HSP90AA1: variants seen among roughly 807,000 people sequenced by gnomAD.
The protein encoded by HSP90AA1 is heat shock protein 90 alpha family class A member 1.
Under a neutral mutation model 73.3 loss-of-function variants are expected in HSP90AA1, and 18 were observed. The observed-to-expected ratio is 0.25, with a 90% CI of 0.17 to 0.36. HSP90AA1 has a LOEUF of 0.36. Ranked by LOEUF, HSP90AA1 falls within the 10% of genes least tolerant of loss-of-function variation. The pLI, the probability that HSP90AA1 is intolerant of heterozygous loss-of-function variation, is 1.00. For missense variants in HSP90AA1, 704 were observed against 874.2 expected (o/e 0.81, Z 2.45); for synonymous variants, 477 against 296.9 (o/e 1.61, Z -6.24).
chr14:102,110,803 G>A (rs879374244), intron 1 of HSP90AA1, among the ~76,000 whole-genome samples: 81 of 152,156 alleles, frequency 5.3e-4, no homozygotes, highest in Middle Eastern at 6.8e-3. Context: ...GGATGGTCTC[G>A]ATCTCCTGAC....
chr14:102,083,536 G>T lies in HSP90AA1; in HGVS notation c.1486+10C>A, dbSNP rs7156529. ...ACGACGTGTATGACTGTAACATAGT[G>T]TTCTCTTACCTGTGATATAATAGAT... On this transcript the variant is annotated intron_variant, in intron 8 of 10. Transcript: ENST00000216281. The T allele has an allele frequency of 3.1e-6, 5 of 1,612,162 alleles. No individual in the cohort carries two copies. The highest frequency in any genetic ancestry group is 4.2e-6 in the Non-Finnish European group (5 of 1,178,832).
At chr14:102,096,488 G>A (rs2049426486) in intron 2 of HSP90AA1, among the ~76,000 whole-genome samples, 1 of 152,198 alleles carries the variant, frequency 6.6e-6, no homozygotes, top group Non-Finnish European at 1.5e-5. Flanking sequence ...TTCTCCAAAT[G>A]CACCTGGAAC....
At chr14:102,136,189 A>C (rs962615738) in intron 1 of HSP90AA1, among the ~76,000 whole-genome samples, 7 of 152,232 alleles carry the variant, frequency 4.6e-5, no homozygotes, top group Non-Finnish European at 1.0e-4. Context: ...TTTAGAAGGA[A>C]TTAATGCACA....
At chr14:102,093,516 T>C (rs1209524391) in intron 2 of HSP90AA1, among the ~76,000 whole-genome samples, 2 of 151,660 alleles carry the variant, frequency 1.3e-5, no homozygotes. Flanking sequence ...TGTCATTTCT[T>C]GGAGACACAG....
At chr14:102,132,295 T>A (rs1190594) in intron 1 of HSP90AA1, among the ~76,000 whole-genome samples, 139,645 of 152,218 alleles carry the variant, frequency 0.92, 64,111 homozygotes, top group East Asian at 1. Flanking sequence ...TGAACCCGGG[T>A]GGTGGAGGTT....
chr14:102,136,872 G>A (rs1408284564), intron 1 of HSP90AA1, among the ~76,000 whole-genome samples: 2 of 142,718 alleles, frequency 1.4e-5, no homozygotes, highest in East Asian at 4.2e-4. Context: ...TGGGGGACAA[G>A]AGCGAGACTT....
chr14:102,122,281 CTTTTTT>C (rs35837326), intron 1 of HSP90AA1, among the ~76,000 whole-genome samples: 1 of 118,738 alleles, frequency 8.4e-6, no homozygotes, highest in Non-Finnish European at 1.8e-5. Flanking sequence ...TGTTTAAAGA[CTTTTTT>C]TTTTTTTTTT....
chr14:102,082,452 C>G lies in HSP90AA1; in HGVS notation c.1756-8G>C. The stretch of plus-strand genomic sequence containing the variant: ...TCGGTTTGACACAACCACCTGTAAT[C>G]AAAAAGTGATGACTAGGAACCTAGA... On this transcript the variant is annotated splice_region_variant and splice_polypyrimidine_tract_variant and intron_variant, in intron 9 of 10. Coordinates refer to ENST00000216281, the MANE Select transcript of HSP90AA1 (RefSeq NM_005348.4). 6.2e-7 allele frequency: 1 copy of G among 1,605,282 alleles called. No homozygotes were observed. Among genetic ancestry groups the G allele is most frequent in the Non-Finnish European group, 8.5e-7 (1 of 1,175,700 alleles).
At chr14:102,134,756 A>G (rs1442261133) in intron 1 of HSP90AA1, among the ~76,000 whole-genome samples, 1 of 152,156 alleles carries the variant, frequency 6.6e-6, no homozygotes, top group Admixed American at 6.5e-5. Context: ...GTGTGGACCC[A>G]AAGAGTGAGC....
At chr14:102,133,353 CA>C (rs1222682755) in intron 1 of HSP90AA1, among the ~76,000 whole-genome samples, 1 of 152,072 alleles carries the variant, frequency 6.6e-6, no homozygotes, top group Non-Finnish European at 1.5e-5. Flanking sequence ...AATATGTACA[CA>C]AAATTTTGAA....
chr14:102,108,801 C>G (rs983770398), intron 1 of HSP90AA1, among the ~76,000 whole-genome samples: 1 of 152,100 alleles, frequency 6.6e-6, no homozygotes, highest in Non-Finnish European at 1.5e-5. Flanking sequence ...TCCCAAAGTG[C>G]TGGGATTACA....
upstream of HSP90AA1, among the ~76,000 whole-genome samples, chr14:102,087,752 C>G (rs1005543843): frequency 5.3e-5 from 8 of 152,086 alleles, no homozygotes; most frequent in Admixed American, 6.6e-5. Flanking sequence ...TTGGGTTCCC[C>G]GAAAGCCATG....
At chr14:102,133,754 A>G (rs924729185) in intron 1 of HSP90AA1, among the ~76,000 whole-genome samples, 20 of 152,292 alleles carry the variant, frequency 1.3e-4, no homozygotes, top group Non-Finnish European at 2.5e-4. Context: ...AAGTGCTGGG[A>G]TTACAGGCAT....
upstream of HSP90AA1, chr14:102,087,051 C>T: frequency 6.1e-6 from 6 of 985,432 alleles, no homozygotes; most frequent in Non-Finnish European, 7.2e-6. Context: ...AACTGACGCG[C>T]CACCCCCGCG....
intron 4 of HSP90AA1, 42 bp from the exon 5 acceptor site, chr14:102,085,040 G>A (rs756485083): frequency 1.5e-5 from 24 of 1,613,506 alleles, no homozygotes; most frequent in Non-Finnish European, 2.0e-5. Flanking sequence ...CTGCACTCCA[G>A]AACTAAGCGA....
intron 3 of HSP90AA1, 43 bp downstream of exon 3, chr14:102,085,715 C>A: frequency 1.9e-6 from 3 of 1,613,810 alleles, no homozygotes; most frequent in Non-Finnish European, 2.5e-6. Context: ...CAGCACCCCA[C>A]CCTTCCACCG....
chr14:102,086,913 CTCCGCCCCGCGCCA>C, intron 1 of HSP90AA1, 59 bp downstream of exon 1: 1 of 883,948 alleles, frequency 1.1e-6, no homozygotes, highest in African/African-American at 1.8e-5. Flanking sequence ...CCCCCACAGC[CTCCGCCCCGCGCCA>C]GCCGCCCCCA....
chr14:102,130,441 A>C (rs982581573), intron 1 of HSP90AA1, among the ~76,000 whole-genome samples: 8 of 152,170 alleles, frequency 5.3e-5, no homozygotes, highest in African/African-American at 1.9e-4. Context: ...CATTCTCACC[A>C]ACACTTGTTA....
intron 1 of HSP90AA1, among the ~76,000 whole-genome samples, chr14:102,138,826 T>C (rs971943851): frequency 6.6e-6 from 1 of 152,192 alleles, no homozygotes; most frequent in African/African-American, 2.4e-5. Flanking sequence ...AGGTATAAAA[T>C]AGTGATTGTT....
Sources: allele counts gnomAD v4.1 joint callset (sites outside exome capture counted in the v4.1 genomes callset), GRCh38; gene constraint gnomAD v4.1.1; transcripts MANE v1.5; gene names NCBI Gene and HGNC (gene_info 2026-07-23, HGNC 2026-07-21).